The following DSCAM variants were observed in gnomAD, a reference collection of about 807,000 sequenced individuals.
The protein encoded by DSCAM is cell adhesion molecule DSCAM.
Under a neutral mutation model 217.7 loss-of-function variants are expected in DSCAM, and 47 were observed. The ratio of observed to expected loss-of-function variants is 0.22; its 90% CI spans 0.17 to 0.28. DSCAM has a LOEUF of 0.28. DSCAM is among the 10% of genes least tolerant of loss of function. The pLI is 1.00. For missense variants in DSCAM, 2,080 were observed against 2,618.3 expected (o/e 0.79, Z 4.49); for synonymous variants, 1,056 against 1,015.3 (o/e 1.04, Z -0.76).
At chr21:40,209,856 A>G (rs1269047641) in intron 11 of DSCAM, among the ~76,000 whole-genome samples, 1 of 152,098 alleles carries the variant, frequency 6.6e-6, no homozygotes, top group African/African-American at 2.4e-5. Context: ...ACTCCAGTCT[A>G]TCCTAGGGCT....
At chr21:40,784,235 T>C (rs1198406027) in intron 1 of DSCAM, among the ~76,000 whole-genome samples, 3 of 152,120 alleles carry the variant, frequency 2.0e-5, no homozygotes, top group African/African-American at 7.2e-5. Context: ...AATTGAATCA[T>C]GGGGGCGGTT....
intron 3 of DSCAM, among the ~76,000 whole-genome samples, chr21:40,432,296 T>C (rs1484310820): frequency 6.6e-6 from 1 of 152,216 alleles, no homozygotes; most frequent in East Asian, 1.9e-4. Flanking sequence ...AGGCTGTTTT[T>C]TCCAGAGGCT....
At chr21:40,684,116 C>T (rs1019817653) in intron 3 of DSCAM, among the ~76,000 whole-genome samples, 3 of 149,928 alleles carry the variant, frequency 2.0e-5, no homozygotes, top group Admixed American at 1.3e-4. Flanking sequence ...CCCAGCTACT[C>T]CGGAGGCTGA....
At chr21:40,342,712 C>T (rs1336679102) in intron 6 of DSCAM, among the ~76,000 whole-genome samples, 1 of 136,610 alleles carries the variant, frequency 7.3e-6, no homozygotes, top group Non-Finnish European at 1.5e-5. Context: ...GCACAATCTC[C>T]CAAGTAGCTG....
In DSCAM at chr21:40,470,410, C is replaced by T. The variant is rs60256379; in HGVS notation, c.509-101165G>A. 3.0e-3 allele frequency among the ~76,000 whole-genome samples: 464 copies of T among 152,354 alleles called. 4 individuals carry two copies. Among genetic ancestry groups the T allele is most frequent in the African/African-American group, 0.011 (446 of 41,584 alleles). ...CCAAAGCCACCTGTGCCATTTGGTG[C>T]CTCCCTCATTGGAGCAAGGTTTGCT... On this transcript the variant is annotated intron_variant, in intron 3 of 32. Transcript: ENST00000400454.
chr21:40,538,231 G>T (rs1299496879), intron 3 of DSCAM, among the ~76,000 whole-genome samples: 1 of 152,114 alleles, frequency 6.6e-6, no homozygotes, highest in African/African-American at 2.4e-5. Context: ...ATCAAGAGAT[G>T]GGGTGTTAGT....
intron 11 of DSCAM, among the ~76,000 whole-genome samples, chr21:40,245,444 A>G (rs1432907047): frequency 6.6e-6 from 1 of 152,172 alleles, no homozygotes; most frequent in African/African-American, 2.4e-5. Flanking sequence ...AGCCCAGTCC[A>G]TCATAGCTTG....
Position 40,087,264 on chromosome 21 carries a change from T to C in DSCAM, c.3874A>G (p.Ser1292Gly), listed in dbSNP as rs747659043. 4 of 1,614,088 alleles carry C rather than the reference T, an allele frequency of 2.5e-6. No individual in the cohort carries two copies. Among genetic ancestry groups the C allele is most frequent in the Non-Finnish European group, 3.4e-6 (4 of 1,179,960 alleles). The change falls in exon 22 of 33, where the codon AGT becomes GGT. Residue 1292 changes from serine to glycine, a missense_variant. By Grantham distance (56) the Ser-to-Gly change is moderately conservative (BLOSUM62 0). This residue lies in a region of DSCAM where 1,144 missense variants were observed against 1,421.1 expected (regional missense o/e 0.81). Coordinates refer to ENST00000400454, the MANE Select transcript of DSCAM (RefSeq NM_001389.5). ...ATCCATGGAGTAGTCACTGTCCCAC[T>C]GAAGGTCAGGATTCGTGCAGGAGCT... ...AKAPARILTFSGTVTTPWMKD... is the reference protein window; with the variant it reads ...AKAPARILTFGGTVTTPWMKD...
intron 27 of DSCAM, among the ~76,000 whole-genome samples, chr21:40,067,053 C>T (rs1170556217): frequency 6.6e-6 from 1 of 152,178 alleles, no homozygotes; most frequent in Non-Finnish European, 1.5e-5. Context: ...GCCTGACCTA[C>T]CAAACATCAG....
chr21:40,502,938 T>C (rs2076181290), intron 3 of DSCAM, among the ~76,000 whole-genome samples: 1 of 152,162 alleles, frequency 6.6e-6, no homozygotes, highest in Admixed American at 6.5e-5. Context: ...AAAACTATCC[T>C]GAGGAGAGTT....
At chr21:40,665,573 C>T (rs545387822) in intron 3 of DSCAM, among the ~76,000 whole-genome samples, 1 of 152,276 alleles carries the variant, frequency 6.6e-6, no homozygotes, top group African/African-American at 2.4e-5. Context: ...CCCTGAAATT[C>T]CCCGTACAGC....
At chr21:40,260,419 G>A (rs1044672874) in intron 11 of DSCAM, among the ~76,000 whole-genome samples, 1 of 152,146 alleles carries the variant, frequency 6.6e-6, no homozygotes, top group Admixed American at 6.5e-5. Flanking sequence ...GCAGATGGTG[G>A]GTCACTGCCC....
intron 3 of DSCAM, among the ~76,000 whole-genome samples, chr21:40,506,038 T>A (rs962805588): frequency 2.6e-5 from 4 of 152,204 alleles, no homozygotes; most frequent in Non-Finnish European, 5.9e-5. Flanking sequence ...ACCACGGATA[T>A]GATACTCTTA....
chr21:40,603,816 C>T (rs1456176745), intron 3 of DSCAM, among the ~76,000 whole-genome samples: 1 of 151,970 alleles, frequency 6.6e-6, no homozygotes, highest in Middle Eastern at 3.4e-3. Flanking sequence ...TTAGCTTTGT[C>T]TCTCTACAGG....
intron 11 of DSCAM, among the ~76,000 whole-genome samples, chr21:40,194,433 T>TACC: frequency 6.6e-6 from 1 of 152,186 alleles, no homozygotes; most frequent in African/African-American, 2.4e-5. Flanking sequence ...TGCGAGGATT[T>TACC]CTGAAGCATA....
chr21:40,572,412 ATACT>A (rs1017539819), intron 3 of DSCAM, among the ~76,000 whole-genome samples: 2 of 152,202 alleles, frequency 1.3e-5, no homozygotes, highest in African/African-American at 4.8e-5. Flanking sequence ...TACTGGTAAA[ATACT>A]TAAATACAAT....
At chr21:40,388,211 C>CA (rs1217402016) in intron 3 of DSCAM, among the ~76,000 whole-genome samples, 1 of 152,072 alleles carries the variant, frequency 6.6e-6, no homozygotes, top group Non-Finnish European at 1.5e-5. Context: ...AAATTGTACT[C>CA]AATAATGAGA....
chr21:40,218,787 G>A (rs1286988491), intron 11 of DSCAM, among the ~76,000 whole-genome samples: 2 of 152,048 alleles, frequency 1.3e-5, no homozygotes, highest in Non-Finnish European at 2.9e-5. Flanking sequence ...TTGGCTCTTA[G>A]TTTGGCTGTT....
intron 11 of DSCAM, among the ~76,000 whole-genome samples, chr21:40,259,155 G>A (rs965969252): frequency 2.0e-5 from 3 of 152,104 alleles, no homozygotes; most frequent in Non-Finnish European, 1.5e-5. Context: ...AAGAGAAAAC[G>A]CTTACACATA....
Sources: gnomAD v4.1 joint callset for allele counts (sites outside exome capture counted in the v4.1 genomes callset) on GRCh38, gnomAD v4.1.1 for gene constraint, gnomAD v4.1.1 regional missense constraint, MANE v1.5 for transcripts, NCBI Gene and HGNC (gene_info 2026-07-23, HGNC 2026-07-21) for gene names.